The following HPSE2 variants were observed in gnomAD, a reference collection of about 807,000 sequenced individuals.
HPSE2 encodes heparanase 2 (inactive).
A neutral mutation model predicts 60.5 loss-of-function variants in HPSE2; 38 were observed. That is an observed-to-expected ratio of 0.63 (90% CI 0.48 to 0.82). The LOEUF is 0.82. HPSE2 is among the 40% of genes least tolerant of loss of function. HPSE2 has a pLI of 0.00. For synonymous variants in HPSE2, 295 were observed against 293.2 expected, an observed-to-expected ratio of 1.01 and a Z score of -0.06; for missense variants, 713 against 740.4, an observed-to-expected ratio of 0.96 and a Z score of 0.43.
intron 2 of HPSE2, among the ~76,000 whole-genome samples, chr10:99,176,142 G>A (rs1847517662): frequency 6.6e-6 from 1 of 152,154 alleles, no homozygotes; most frequent in East Asian, 1.9e-4. Flanking sequence ...AGCAAAGGTA[G>A]ATAAATCCAT....
the HPSE2 span, among the ~76,000 whole-genome samples, chr10:99,258,973 C>T: frequency 1.3e-5 from 2 of 152,028 alleles, no homozygotes; most frequent in Non-Finnish European, 1.5e-5. Context: ...AGATGCAACA[C>T]AATAAGCAAA....
intron 3 of HPSE2, among the ~76,000 whole-genome samples, chr10:99,105,429 T>A (rs1241594571): frequency 6.6e-6 from 1 of 150,896 alleles, no homozygotes; most frequent in Non-Finnish European, 1.5e-5. Flanking sequence ...TTTAATCAGG[T>A]TATTTTTTTT....
At chr10:98,960,562 A>G (rs1410922441) in intron 3 of HPSE2, among the ~76,000 whole-genome samples, 1 of 151,924 alleles carries the variant, frequency 6.6e-6, no homozygotes. Flanking sequence ...ACAACCTGAA[A>G]ACGGAAGTTT....
chr10:98,767,786 A>G (rs993956071), intron 3 of HPSE2, among the ~76,000 whole-genome samples: 4 of 145,676 alleles, frequency 2.7e-5, no homozygotes, highest in Non-Finnish European at 6.0e-5. Context: ...TCATATATAA[A>G]TATGTATAAA....
chr10:99,125,780 G>A (rs2135722086), intron 3 of HPSE2, among the ~76,000 whole-genome samples: 1 of 152,308 alleles, frequency 6.6e-6, no homozygotes, highest in East Asian at 1.9e-4. Context: ...AAATACAGAA[G>A]TAGAACCAAC....
intron 3 of HPSE2, among the ~76,000 whole-genome samples, chr10:99,039,941 T>C (rs569189916): frequency 3.3e-5 from 5 of 152,298 alleles, no homozygotes; most frequent in Admixed American, 3.3e-4. Flanking sequence ...TCTTTGAAAG[T>C]GATTTTCAAG....
intron 9 of HPSE2, among the ~76,000 whole-genome samples, chr10:98,550,243 A>C (rs1943819034): frequency 6.6e-6 from 1 of 151,498 alleles, no homozygotes. Flanking sequence ...TTTAGCTTGA[A>C]TGTCCCTTTC....
chr10:98,894,869 A>C (rs575809154), intron 3 of HPSE2, among the ~76,000 whole-genome samples: 2 of 152,248 alleles, frequency 1.3e-5, no homozygotes, highest in East Asian at 3.9e-4. Context: ...TCTTAAAAGC[A>C]GCCAGAGAGA....
chr10:98,782,937 TAA>T (rs1491351961), intron 3 of HPSE2, among the ~76,000 whole-genome samples: 2 of 57,028 alleles, frequency 3.5e-5, no homozygotes, highest in Non-Finnish European at 6.7e-5. Context: ...TTTTTTTTTT[TAA>T]TGTTTTTTTT....
intron 3 of HPSE2, among the ~76,000 whole-genome samples, chr10:99,108,348 T>G (rs1487126569): frequency 6.6e-6 from 1 of 151,780 alleles, no homozygotes; most frequent in African/African-American, 2.4e-5. Flanking sequence ...GAGGCCATAC[T>G]GAAAGAAACC....
At chr10:98,462,755 C>T (rs964768076) in intron 11 of HPSE2, among the ~76,000 whole-genome samples, 18 of 152,180 alleles carry the variant, frequency 1.2e-4, no homozygotes, top group Non-Finnish European at 1.9e-4. Flanking sequence ...TCTGTCCCCA[C>T]ACTCTGCACT....
intron 3 of HPSE2, among the ~76,000 whole-genome samples, chr10:98,917,864 T>C (rs751137132): frequency 3.3e-5 from 5 of 152,196 alleles, no homozygotes; most frequent in Non-Finnish European, 7.3e-5. Context: ...GCAATGCCTG[T>C]AGGGAATTTT....
At chr10:98,463,330 G>A (rs900431925) in intron 11 of HPSE2, among the ~76,000 whole-genome samples, 1 of 152,174 alleles carries the variant, frequency 6.6e-6, no homozygotes, top group African/African-American at 2.4e-5. Flanking sequence ...ACTGTGGATC[G>A]CAGACCTCTG....
At position 98,820,021 on chromosome 10, in the gene HPSE2, G is replaced by A. The variant is rs1381828216; in HGVS notation, c.611-75965C>T. Among the ~76,000 whole-genome samples the A allele has an allele frequency of 2.0e-5, 3 of 152,004 alleles. No individual in the cohort carries two copies. In the East Asian group the frequency reaches 5.8e-4, roughly 29 times the overall value. ...ATCCTCACAGAATGTAAATTTTATA[G>A]TGACATACTTTTATATTACTTTTTT... On this transcript the variant is annotated intron_variant, in intron 3 of 11. Coordinates refer to ENST00000370552, the MANE Select transcript of HPSE2 (RefSeq NM_021828.5).
intron 3 of HPSE2, among the ~76,000 whole-genome samples, chr10:99,060,215 CAT>C (rs1958205894): frequency 6.6e-6 from 1 of 151,982 alleles, no homozygotes; most frequent in Non-Finnish European, 1.5e-5. Flanking sequence ...TATTTGGGGA[CAT>C]ATTTTTATGT....
the HPSE2 span, among the ~76,000 whole-genome samples, chr10:99,287,011 C>G: frequency 1.3e-5 from 2 of 152,076 alleles, no homozygotes; most frequent in Non-Finnish European, 2.9e-5. Flanking sequence ...ACTTGGGGAT[C>G]GCTAAATACC....
chr10:98,956,943 C>T (rs1325295925), intron 3 of HPSE2, among the ~76,000 whole-genome samples: 1 of 152,088 alleles, frequency 6.6e-6, no homozygotes, highest in Non-Finnish European at 1.5e-5. Flanking sequence ...CTCTGTATAC[C>T]TTAGGAATCA....
intron 3 of HPSE2, among the ~76,000 whole-genome samples, chr10:99,092,754 C>A (rs963511096): frequency 6.6e-6 from 1 of 152,108 alleles, no homozygotes; most frequent in African/African-American, 2.4e-5. Context: ...ATATCACCAC[C>A]AATTTTTGCA....
chr10:98,535,709 G>A (rs7080284), intron 9 of HPSE2, among the ~76,000 whole-genome samples: 10,088 of 152,154 alleles, frequency 0.066, 1,103 homozygotes, highest in African/African-American at 0.23. Context: ...AGGCATCTTT[G>A]TTCTGCCCTT....
Sources: gnomAD v4.1 joint callset for allele counts (sites outside exome capture counted in the v4.1 genomes callset) on GRCh38, gnomAD v4.1.1 for gene constraint, MANE v1.5 for transcripts, NCBI Gene and HGNC (gene_info 2026-07-23, HGNC 2026-07-21) for gene names.